SNX24: variants seen among roughly 807,000 people sequenced by gnomAD.
SNX24 encodes sorting nexin 24.
In SNX24, 22 loss-of-function variants were observed where a neutral mutation model predicts 28.7. The ratio of observed to expected loss-of-function variants is 0.77; its 90% confidence interval spans 0.55 to 1.10. The LOEUF (loss-of-function observed/expected upper bound fraction) is 1.10, where lower values mean the gene tolerates loss of function less well. SNX24 is among the 50% of genes least tolerant of loss of function. The pLI is 0.00. For missense variants in SNX24, 221 were observed against 201.1 expected, an observed-to-expected ratio of 1.10 and a Z score of -0.60; for synonymous variants, 69 against 71.5, an observed-to-expected ratio of 0.96 and a Z score of 0.18.
At chr5:122,899,750 G>A (rs1393423999) in intron 1 of SNX24, among the ~76,000 whole-genome samples, 1 of 152,126 alleles carries the variant, frequency 6.6e-6, no homozygotes, top group East Asian at 1.9e-4. Flanking sequence ...CACTTAATTT[G>A]ACTCTTTGCT....
chr5:123,022,722 TA>T (rs1225356126), intron 5 of SNX24: 1 of 152,420 alleles, frequency 6.6e-6, no homozygotes, highest in Non-Finnish European at 1.5e-5. Context: ...TGGGCTTAAG[TA>T]ATCATCCCAC....
At chr5:122,917,700 T>C (rs1033683604) in intron 1 of SNX24, among the ~76,000 whole-genome samples, 1 of 152,212 alleles carries the variant, frequency 6.6e-6, no homozygotes, top group Non-Finnish European at 1.5e-5. Context: ...AACTGCATTC[T>C]TCACCTGTCA....
intron 5 of SNX24, among the ~76,000 whole-genome samples, chr5:123,017,798 G>A (rs1762705120): frequency 6.6e-6 from 1 of 152,076 alleles, no homozygotes; most frequent in South Asian, 2.1e-4. Flanking sequence ...TATGAGACGT[G>A]CCTTTAACCT....
chr5:123,001,311 A>G, intron 4 of SNX24, 94 bp from the exon 5 acceptor site: 1 of 793,948 alleles, frequency 1.3e-6, no homozygotes, highest in Admixed American at 2.2e-5. Flanking sequence ...CAATTCAGTC[A>G]TCTAATAATA....
At chr5:122,993,455 C>T (rs1326856722) in intron 3 of SNX24, among the ~76,000 whole-genome samples, 5 of 152,094 alleles carry the variant, frequency 3.3e-5, no homozygotes, top group East Asian at 3.9e-4. Flanking sequence ...CCTGCCACCA[C>T]GCCTGGCTAA....
intron 1 of SNX24, among the ~76,000 whole-genome samples, chr5:122,865,232 A>G (rs919574842): frequency 4.6e-5 from 7 of 152,258 alleles, no homozygotes; most frequent in African/African-American, 9.6e-5. Context: ...CCTACTCCCT[A>G]TCAACTTGGT....
chr5:123,010,991 G>A (rs922101275), downstream of SNX24, among the ~76,000 whole-genome samples: 2 of 151,434 alleles, frequency 1.3e-5, no homozygotes, highest in African/African-American at 2.4e-5. Flanking sequence ...TTTACTTTTC[G>A]ATTTCACTAG....
At chr5:122,853,400 TACAGGCGTGAGCC>T (rs1485798438) in intron 1 of SNX24, among the ~76,000 whole-genome samples, 1 of 152,182 alleles carries the variant, frequency 6.6e-6, no homozygotes, top group Non-Finnish European at 1.5e-5. Context: ...GTGCTGGGAT[TACAGGCGTGAGCC>T]ACCGCGCCCG....
downstream of SNX24, among the ~76,000 whole-genome samples, chr5:123,012,625 T>G (rs574702967): frequency 6.6e-6 from 1 of 152,320 alleles, no homozygotes; most frequent in South Asian, 2.1e-4. Flanking sequence ...CATAGTATTG[T>G]ACACTAAAAA....
Position 122,946,127 on chromosome 5 carries a change from C to T in SNX24, c.217C>T (p.Gln73Ter). 4 of 1,609,498 alleles carry T rather than the reference C, an allele frequency of 2.5e-6. No individual in the cohort carries two copies. The highest frequency in any genetic ancestry group is 3.4e-6 in the Non-Finnish European group (4 of 1,176,500). ...VRNWVPKVLE[Q>*]RRQGLETYLQ... ...GAACTGGGTCCCCAAAGTCTTGGAA[C>T]AGCGACGACAAGGCTTGGAAACATA... is the stretch of plus-strand genomic sequence containing the variant. Residue 73 changes from glutamine (Q) to a stop codon, truncating the protein, a stop_gained, in exon 3 of 7, where the codon CAG becomes TAG. Transcript: ENST00000261369. LOFTEE classifies it high-confidence loss of function.
At chr5:122,942,977 G>A (rs1269588669) in intron 2 of SNX24, among the ~76,000 whole-genome samples, 1 of 152,100 alleles carries the variant, frequency 6.6e-6, no homozygotes, top group African/African-American at 2.4e-5. Flanking sequence ...ACATATAATA[G>A]AGTTGATTTT....
intron 3 of SNX24, among the ~76,000 whole-genome samples, chr5:122,947,615 T>C (rs1759745810): frequency 6.6e-6 from 1 of 152,194 alleles, no homozygotes; most frequent in Admixed American, 6.5e-5. Context: ...CAAGAATGTG[T>C]GTGGCCATGG....
In SNX24 at chr5:123,007,774, A is replaced by C. The variant is rs144681057; in HGVS notation, c.*25A>C. ...GAAATCCTACATGGCTAAAAGAAGC[A>C]GAAGCAAGTTTCGAAGTCACAGTCA... On this transcript the variant is annotated 3_prime_UTR_variant, in exon 7 of 7. Transcript: ENST00000261369. 215 of 1,586,430 alleles carry C rather than the reference A, an allele frequency of 1.4e-4. 2 individuals are homozygous for C. In the African/African-American group the frequency reaches 2.6e-3, roughly 20 times the overall value.
intron 3 of SNX24, among the ~76,000 whole-genome samples, chr5:122,956,926 G>T (rs1342874693): frequency 6.6e-6 from 1 of 151,628 alleles, no homozygotes; most frequent in Non-Finnish European, 1.5e-5. Flanking sequence ...ATATATTCTG[G>T]ATATTCTTCC....
rs377749817 is a variant in SNX24, at chr5:122,887,779, T to C, written c.60+42086T>C. On this transcript the variant is annotated intron_variant, in intron 1 of 6. Coordinates refer to ENST00000261369, the MANE Select transcript of SNX24 (RefSeq NM_014035.4). ...GTGCAATGGCGTGATCTTGGCTCAC[T>C]GCAACCTCTGCCTCCCGGATTCAAG... is the stretch of plus-strand genomic sequence containing the variant. 1.9e-4 allele frequency among the ~76,000 whole-genome samples: 29 copies of C among 152,330 alleles called. No individual in the cohort carries two copies. The South Asian group carries it at 5.8e-3, about 30-fold the overall frequency.
intron 1 of SNX24, among the ~76,000 whole-genome samples, chr5:122,845,926 TC>T (rs1754608424): frequency 6.7e-6 from 1 of 150,314 alleles, no homozygotes; most frequent in Non-Finnish European, 1.5e-5. Flanking sequence ...AACCCTCTCC[TC>T]CCGGACGAGC....
chr5:123,015,187 A>G (rs1387633410), intron 5 of SNX24, among the ~76,000 whole-genome samples: 1 of 152,240 alleles, frequency 6.6e-6, no homozygotes, highest in African/African-American at 2.4e-5. Flanking sequence ...GCCCAGAGTC[A>G]ATGTGAAGAA....
At chr5:123,006,337 C>T (rs1762419971) in intron 6 of SNX24, among the ~76,000 whole-genome samples, 2 of 152,124 alleles carry the variant, frequency 1.3e-5, no homozygotes, top group South Asian at 4.1e-4. Context: ...TTGACTTCAC[C>T]CCTTCCCTCA....
chr5:122,986,607 TG>T (rs1413728273), intron 3 of SNX24, among the ~76,000 whole-genome samples: 1 of 152,002 alleles, frequency 6.6e-6, no homozygotes, highest in Non-Finnish European at 1.5e-5. Flanking sequence ...CTGAGGATGG[TG>T]GAAGCCGAAG....
Sources: gnomAD v4.1 joint callset for allele counts (sites outside exome capture counted in the v4.1 genomes callset) on GRCh38, gnomAD v4.1.1 for gene constraint, MANE v1.5 for transcripts, NCBI Gene and HGNC (gene_info 2026-07-23, HGNC 2026-07-21) for gene names.